The following RNF150 variants were observed in gnomAD, a reference collection of about 807,000 sequenced individuals.
RNF150 encodes ring finger protein 150.
In RNF150, 24 loss-of-function variants were observed where a neutral mutation model predicts 39.3. The observed-to-expected ratio is 0.61, with a 90% CI of 0.44 to 0.86. The LOEUF is 0.86. Ranked by LOEUF, RNF150 falls within the 40% of genes least tolerant of loss-of-function variation. RNF150 has a pLI of 0.00. For synonymous variants in RNF150, 255 were observed against 227.3 expected, an observed-to-expected ratio of 1.12 and a Z score of -1.10; for missense variants, 502 against 587.8, an observed-to-expected ratio of 0.85 and a Z score of 1.51.
intron 2 of RNF150, among the ~76,000 whole-genome samples, chr4:140,958,342 C>A (rs749924660): frequency 6.6e-6 from 1 of 152,006 alleles, no homozygotes; most frequent in Non-Finnish European, 1.5e-5. Context: ...AAAGGGCCAG[C>A]GCTCAGTGTT....
At chr4:141,143,623 C>T (rs1260936145) in intron 1 of RNF150, among the ~76,000 whole-genome samples, 2 of 152,154 alleles carry the variant, frequency 1.3e-5, no homozygotes, top group African/African-American at 2.4e-5. Flanking sequence ...AACGTAAATC[C>T]CCCACTTTAA....
intron 6 of RNF150, among the ~76,000 whole-genome samples, chr4:140,878,734 G>GAACAGTCA (rs1560944718): frequency 6.6e-6 from 1 of 152,068 alleles, no homozygotes. Context: ...ACTGTTTACT[G>GAACAGTCA]TGCAGAAGAT....
chr4:141,017,153 C>A (rs1051680128), intron 1 of RNF150, among the ~76,000 whole-genome samples: 2 of 152,106 alleles, frequency 1.3e-5, no homozygotes, highest in African/African-American at 4.8e-5. Flanking sequence ...TGCTCCACAT[C>A]TCCACCTGAT....
intron 1 of RNF150, among the ~76,000 whole-genome samples, chr4:141,059,934 T>C (rs931831863): frequency 6.6e-6 from 1 of 152,136 alleles, no homozygotes; most frequent in African/African-American, 2.4e-5. Context: ...TACTTTGCTA[T>C]GTGAAGAGGT....
intron 5 of RNF150, among the ~76,000 whole-genome samples, chr4:140,922,866 G>C (rs1454933193): frequency 3.3e-5 from 5 of 150,780 alleles, no homozygotes; most frequent in African/African-American, 1.2e-4. Flanking sequence ...ACCAGAAATG[G>C]GGAAAGGATT....
chr4:141,038,382 G>C (rs536939081), intron 1 of RNF150, among the ~76,000 whole-genome samples: 1 of 152,058 alleles, frequency 6.6e-6, no homozygotes, highest in East Asian at 1.9e-4. Flanking sequence ...TCTGGGCGTC[G>C]AGTAATAGAT....
At chr4:140,901,174 C>A (rs908014112) in intron 6 of RNF150, among the ~76,000 whole-genome samples, 3 of 152,180 alleles carry the variant, frequency 2.0e-5, no homozygotes, top group Non-Finnish European at 2.9e-5. Flanking sequence ...AGGGCATTTG[C>A]AGAAATTTAT....
rs568550984 is a variant in RNF150 at position 140,861,837 on chromosome 4, G to A, written c.*6424C>T. The A allele has an allele frequency of 4.6e-5, 7 of 152,250 alleles. No homozygotes were observed. In the South Asian group the frequency reaches 1.5e-3, roughly 32 times the overall value. 9.4% of individuals were successfully genotyped at this position (152,250 alleles called of 1,614,324 possible). A position where few individuals can be genotyped will look rare whatever the true frequency, so the allele number is the denominator to read the frequency against. ...TGTTGGAAAGTTTTGAAGGAAAAGG[G>A]GACTAAACACTAGACTTTAAAGATG... On this transcript the variant is annotated 3_prime_UTR_variant, in exon 7 of 7. Transcript: ENST00000515673.
chr4:140,959,593 G>A (rs947333609), intron 2 of RNF150, among the ~76,000 whole-genome samples: 6 of 152,092 alleles, frequency 3.9e-5, no homozygotes. Context: ...AAAAATGATA[G>A]GGCTACCAGG....
At chr4:141,093,851 G>A (rs920030588) in intron 1 of RNF150, among the ~76,000 whole-genome samples, 4 of 152,104 alleles carry the variant, frequency 2.6e-5, no homozygotes, top group African/African-American at 9.7e-5. Flanking sequence ...ACAATATTAA[G>A]AGAATATAAA....
At chr4:140,971,336 G>T (rs1470813928) in intron 1 of RNF150, among the ~76,000 whole-genome samples, 1 of 152,092 alleles carries the variant, frequency 6.6e-6, no homozygotes, top group Admixed American at 6.6e-5. Flanking sequence ...GTTCAATGCT[G>T]CCTTAAGTAG....
chr4:141,134,550 T>C (rs1726993366), upstream of RNF150, among the ~76,000 whole-genome samples: 1 of 152,198 alleles, frequency 6.6e-6, no homozygotes, highest in Non-Finnish European at 1.5e-5. Context: ...GTACAACTTC[T>C]CTTTTTCCGG....
chr4:140,924,330 G>A (rs1731297975), intron 5 of RNF150, among the ~76,000 whole-genome samples: 1 of 152,114 alleles, frequency 6.6e-6, no homozygotes, highest in Admixed American at 6.6e-5. Flanking sequence ...AGCAATATTT[G>A]CAACTTATTT....
intron 1 of RNF150, among the ~76,000 whole-genome samples, chr4:141,192,830 A>G (rs1728132813): frequency 1.3e-5 from 2 of 152,304 alleles, no homozygotes; most frequent in Middle Eastern, 3.4e-3. Flanking sequence ...TGAATTAGCC[A>G]TACTTGCTCA....
chr4:141,108,755 C>T (rs1739293805), intron 1 of RNF150, among the ~76,000 whole-genome samples: 1 of 152,032 alleles, frequency 6.6e-6, no homozygotes, highest in South Asian at 2.1e-4. Context: ...AAGGGATTTG[C>T]CCAAAATTAA....
intron 1 of RNF150, among the ~76,000 whole-genome samples, chr4:141,095,020 T>C (rs1228180813): frequency 6.6e-6 from 1 of 152,212 alleles, no homozygotes; most frequent in Non-Finnish European, 1.5e-5. Context: ...GTAAGTTTCG[T>C]TGACCCTATC....
chr4:141,061,640 T>A (rs148454883), intron 1 of RNF150, among the ~76,000 whole-genome samples: 261 of 152,270 alleles, frequency 1.7e-3, no homozygotes, highest in African/African-American at 6.1e-3. Context: ...GTTACAAGCA[T>A]ATCAAAGAAA....
intron 6 of RNF150, among the ~76,000 whole-genome samples, chr4:140,872,777 C>T (rs375052114): frequency 1.6e-4 from 25 of 152,220 alleles, no homozygotes; most frequent in Admixed American, 5.2e-4. Flanking sequence ...GTTAGAACTA[C>T]ATCAAGAGTT....
Position 141,200,093 on chromosome 4 carries a change from C to G in RNF150, c.-6+12701G>C, listed in dbSNP as rs555605542. Among the ~76,000 whole-genome samples the G allele has an allele frequency of 1.4e-4, 21 of 152,228 alleles. No homozygotes were observed. In the South Asian group the frequency reaches 4.4e-3, roughly 32 times the overall value. ...TAAGGCTTAGTTTGGGCTACTGTAACAAGATACTGGAGACTGAATAGCTTA... is the reference window on the plus strand; with the variant it reads ...TAAGGCTTAGTTTGGGCTACTGTAAGAAGATACTGGAGACTGAATAGCTTA... On this transcript the variant is annotated intron_variant, in intron 1 of 7. Transcript: ENST00000420921.
Sources: allele counts gnomAD v4.1 joint callset (sites outside exome capture counted in the v4.1 genomes callset), GRCh38; gene constraint gnomAD v4.1.1; transcripts MANE v1.5; gene names NCBI Gene and HGNC (gene_info 2026-07-23, HGNC 2026-07-21).